Variants in CGNL1 observed in about 807,000 individuals in gnomAD.
CGNL1 encodes cingulin-like protein 1.
Under a neutral mutation model 141.2 loss-of-function variants are expected in CGNL1, and 132 were observed. The ratio of observed to expected loss-of-function variants is 0.93; its 90% CI spans 0.81 to 1.08. The LOEUF (loss-of-function observed/expected upper bound fraction) is 1.08. CGNL1 is among the 50% of genes least tolerant of loss of function. CGNL1 has a pLI of 0.00. For missense variants in CGNL1, 1,870 were observed against 1,588.6 expected, an observed-to-expected ratio of 1.18 and a Z score of -3.01; for synonymous variants, 690 against 622.1, an observed-to-expected ratio of 1.11 and a Z score of -1.63.
chr15:57,442,389 G>C lies in CGNL1; in HGVS notation c.1714G>C (p.Asp572His), dbSNP rs763987243. 1 of 1,611,146 alleles carries C rather than the reference G, an allele frequency of 6.2e-7. No homozygotes were observed. The highest frequency in any genetic ancestry group is 1.3e-5 in the African/African-American group (1 of 74,842). ...CTTTTTCAGAAGCACTGATAATGAC[G>C]ATGCTACTAAAAGGAAAGTCAACTT... ...YLKEGSTDND[D>H]ATKRKVNLVF... Residue 572 changes from aspartate to histidine, a missense_variant, in exon 4 of 19, where the codon GAT (aspartate) becomes CAT (histidine). Transcript: ENST00000281282.
At chr15:57,510,031 G>C (rs1242127357) in intron 8 of CGNL1, among the ~76,000 whole-genome samples, 2 of 152,174 alleles carry the variant, frequency 1.3e-5, no homozygotes, top group Non-Finnish European at 2.9e-5. Flanking sequence ...AGTCGCCCTG[G>C]AAGGACTATT....
intron 8 of CGNL1, among the ~76,000 whole-genome samples, chr15:57,512,230 T>C (rs1231493845): frequency 2.0e-5 from 3 of 152,224 alleles, no homozygotes; most frequent in Non-Finnish European, 4.4e-5. Context: ...TGGGAGGTCA[T>C]GGAGAAGAAC....
chr15:57,473,899 CTTTTTTTT>C (rs59761174), intron 8 of CGNL1, among the ~76,000 whole-genome samples: 18 of 70,668 alleles, frequency 2.5e-4, no homozygotes, highest in South Asian at 7.3e-4. Context: ...TCTTCTTCTT[CTTTTTTTT>C]TTTTTTTTTT....
At chr15:57,545,153 C>T (rs1394593993) in intron 16 of CGNL1, among the ~76,000 whole-genome samples, 2 of 152,206 alleles carry the variant, frequency 1.3e-5, no homozygotes, top group African/African-American at 2.4e-5. Flanking sequence ...GAGCAGCCTT[C>T]CAGCAGTCGT....
chr15:57,517,077 G>C, intron 9 of CGNL1, 91 bp downstream of exon 9: 2 of 1,249,092 alleles, frequency 1.6e-6, no homozygotes, highest in Non-Finnish European at 1.1e-6. Context: ...GGGATTTATT[G>C]TCATGATGTA....
intron 8 of CGNL1, among the ~76,000 whole-genome samples, chr15:57,484,729 C>T (rs1394497917): frequency 2.0e-5 from 3 of 152,078 alleles, no homozygotes; most frequent in Non-Finnish European, 2.9e-5. Flanking sequence ...CCCCAATCCA[C>T]TGACAGGCCC....
At chr15:57,435,641 G>T (rs891673902) in intron 1 of CGNL1, among the ~76,000 whole-genome samples, 1 of 152,056 alleles carries the variant, frequency 6.6e-6, no homozygotes, top group Admixed American at 6.5e-5. Flanking sequence ...AGTGGTAAAT[G>T]ATAGTAGCTA....
intron 1 of CGNL1, among the ~76,000 whole-genome samples, chr15:57,414,890 G>A (rs1244285253): frequency 3.3e-5 from 5 of 152,158 alleles, no homozygotes; most frequent in East Asian, 1.9e-4. Context: ...CTATGTTTCC[G>A]AAGTTGTAGT....
intron 1 of CGNL1, among the ~76,000 whole-genome samples, chr15:57,414,881 T>G (rs1483923708): frequency 6.6e-6 from 1 of 152,216 alleles, no homozygotes; most frequent in African/African-American, 2.4e-5. Context: ...TTGCATTGTC[T>G]ATGTTTCCGA....
At chr15:57,498,435 G>A (rs1177742813) in intron 8 of CGNL1, among the ~76,000 whole-genome samples, 1 of 151,878 alleles carries the variant, frequency 6.6e-6, no homozygotes. Flanking sequence ...AAACCCCTGG[G>A]CTTAAGTGAT....
intron 4 of CGNL1, among the ~76,000 whole-genome samples, chr15:57,444,865 T>C (rs1461317715): frequency 3.9e-5 from 6 of 152,150 alleles, no homozygotes; most frequent in African/African-American, 7.2e-5. Flanking sequence ...TGGGTTACCA[T>C]TGTTGGATTT....
intron 4 of CGNL1, among the ~76,000 whole-genome samples, chr15:57,446,211 TG>T (rs1355089765): frequency 2.6e-5 from 4 of 152,228 alleles, no homozygotes; most frequent in Non-Finnish European, 5.9e-5. Flanking sequence ...ATTGTTTTAT[TG>T]GGGTATAACT....
intron 4 of CGNL1, among the ~76,000 whole-genome samples, chr15:57,451,237 G>A (rs1259136929): frequency 6.6e-6 from 1 of 152,210 alleles, no homozygotes; most frequent in Non-Finnish European, 1.5e-5. Flanking sequence ...TTGGACTAGT[G>A]TTGATATACC....
intron 8 of CGNL1, among the ~76,000 whole-genome samples, chr15:57,507,656 C>T (rs966817496): frequency 1.3e-5 from 2 of 152,304 alleles, no homozygotes; most frequent in South Asian, 2.1e-4. Context: ...TCTACAAGTA[C>T]GGCAGGTTAA....
chr15:57,462,613 G>A (rs1315283010), intron 8 of CGNL1, among the ~76,000 whole-genome samples: 1 of 152,100 alleles, frequency 6.6e-6, no homozygotes, highest in East Asian at 1.9e-4. Context: ...GCAATATATA[G>A]GTTAAAAATG....
rs141629614 is a variant in CGNL1, at chr15:57,438,951, G to C, written c.952G>C (p.Glu318Gln). ...GTACAGGTTTTTACTGGATGATCAG[G>C]AATGTGCCATCCATGCCGACAACGT... is the stretch of plus-strand genomic sequence containing the variant. ...SLYRFLLDDQECAIHADNVNR... is the reference protein window; with the variant it reads ...SLYRFLLDDQQCAIHADNVNR... Residue 318 changes from glutamate (E) to glutamine (Q), a missense_variant, in exon 2 of 19, where the codon GAA becomes CAA. Transcript: ENST00000281282. 18 of 1,614,206 alleles carry C rather than the reference G, an allele frequency of 1.1e-5. No individual in the cohort carries two copies. Among genetic ancestry groups the C allele is most frequent in the Non-Finnish European group, 1.3e-5 (15 of 1,180,050 alleles).
chr15:57,439,078 T>G lies in CGNL1; in HGVS notation c.1079T>G (p.Phe360Cys), dbSNP rs2063148332. Residue 360 changes from phenylalanine (F) to cysteine (C), a missense_variant, in exon 2 of 19, where the codon TTT becomes TGT. Physicochemically the swap from Phe to Cys is radical, Grantham distance 205. Transcript: ENST00000281282. ...GGTGTGGATCAGTTAATTGAAAAAT[T>G]TGATCAAAAACCTGGGCTTCAGAGA... ...IPGVDQLIEK[F>C]DQKPGLQRRG... 6.2e-7 allele frequency: 1 copy of G among 1,613,934 alleles called. No individual in the cohort carries two copies.
intron 8 of CGNL1, among the ~76,000 whole-genome samples, chr15:57,472,598 C>T (rs1313010883): frequency 6.6e-6 from 1 of 152,112 alleles, no homozygotes; most frequent in African/African-American, 2.4e-5. Flanking sequence ...TCTTTGAGGT[C>T]TCTTCCACAA....
intron 8 of CGNL1, among the ~76,000 whole-genome samples, chr15:57,465,918 G>A (rs754372037): frequency 2.0e-5 from 3 of 152,176 alleles, no homozygotes; most frequent in Non-Finnish European, 2.9e-5. Flanking sequence ...ATTCCAAACA[G>A]ATAACTCTGT....
Sources: allele counts gnomAD v4.1 joint callset (sites outside exome capture counted in the v4.1 genomes callset), GRCh38; gene constraint gnomAD v4.1.1; transcripts MANE v1.5; gene names NCBI Gene and HGNC (gene_info 2026-07-23, HGNC 2026-07-21).